Variants in PALM2AKAP2 observed in about 807,000 individuals in gnomAD.
PALM2AKAP2 encodes PALM2-AKAP2 fusion protein.
A neutral mutation model predicts 71.5 loss-of-function variants in PALM2AKAP2; 37 were observed. That is an observed-to-expected ratio of 0.52 (90% CI 0.40 to 0.68). The LOEUF (loss-of-function observed/expected upper bound fraction) is 0.68. Ranked by LOEUF, PALM2AKAP2 falls within the 30% of genes least tolerant of loss-of-function variation. The pLI is 0.00. For synonymous variants in PALM2AKAP2, 468 were observed against 478.8 expected (o/e 0.98, Z 0.29); for missense variants, 1,224 against 1,191.8 (o/e 1.03, Z -0.40).
At chr9:109,799,572 C>A (rs984955851) in intron 1 of PALM2AKAP2, among the ~76,000 whole-genome samples, 1 of 152,198 alleles carries the variant, frequency 6.6e-6, no homozygotes, top group Admixed American at 6.5e-5. Flanking sequence ...TTACTCACTG[C>A]AGTCTTGACC....
At chr9:110,061,838 A>G (rs1833971706) in intron 1 of PALM2AKAP2, among the ~76,000 whole-genome samples, 1 of 148,578 alleles carries the variant, frequency 6.7e-6, no homozygotes, top group South Asian at 2.1e-4. Context: ...CATGCCAGAC[A>G]AATATTATTA....
intron 1 of PALM2AKAP2, among the ~76,000 whole-genome samples, chr9:110,112,586 G>A (rs1835276514): frequency 6.6e-6 from 1 of 152,236 alleles, no homozygotes; most frequent in African/African-American, 2.4e-5. Flanking sequence ...CATGCAAATA[G>A]TTCTAGGACC....
chr9:109,799,256 G>A (rs1224099050), intron 1 of PALM2AKAP2, among the ~76,000 whole-genome samples: 2 of 152,236 alleles, frequency 1.3e-5, no homozygotes, highest in Non-Finnish European at 2.9e-5. Flanking sequence ...TTGATGGGCA[G>A]GGGGTGCTGG....
chr9:109,742,655 A>G (rs114298221), intron 1 of PALM2AKAP2, among the ~76,000 whole-genome samples: 1 of 152,158 alleles, frequency 6.6e-6, no homozygotes, highest in African/African-American at 2.4e-5. Context: ...GATAATGTAC[A>G]TGCAGGATTA....
intron 6 of PALM2AKAP2, chr9:109,943,227 T>C (rs751397781): frequency 6.2e-7 from 1 of 1,614,054 alleles, no homozygotes; most frequent in Non-Finnish European, 8.5e-7. Flanking sequence ...TTGATGAAGA[T>C]GATGAGAAGT....
At chr9:109,986,376 T>C (rs913401614) in intron 6 of PALM2AKAP2, among the ~76,000 whole-genome samples, 6 of 152,246 alleles carry the variant, frequency 3.9e-5, no homozygotes, top group East Asian at 1.9e-4. Context: ...TTCAGTTTCA[T>C]TGGTGATCCT....
chr9:109,834,058 T>C (rs1378362867), intron 1 of PALM2AKAP2, among the ~76,000 whole-genome samples: 1 of 152,030 alleles, frequency 6.6e-6, no homozygotes, highest in African/African-American at 2.4e-5. Context: ...ACTAAAAAAA[T>C]AAAAATTAGC....
intron 1 of PALM2AKAP2, among the ~76,000 whole-genome samples, chr9:109,752,097 T>C (rs1050774787): frequency 2.0e-5 from 3 of 152,188 alleles, no homozygotes; most frequent in Admixed American, 6.6e-5. Flanking sequence ...TTGCTAGGTC[T>C]GTGCTAGGTG....
At chr9:110,058,898 GTTTTTTTTTT>G in intron 1 of PALM2AKAP2, among the ~76,000 whole-genome samples, 1 of 111,732 alleles carries the variant, frequency 8.9e-6, no homozygotes, top group African/African-American at 3.5e-5. Flanking sequence ...AAGTTTTTTG[GTTTTTTTTTT>G]TTTTTTTTTT....
intron 1 of PALM2AKAP2, among the ~76,000 whole-genome samples, chr9:109,805,777 C>T (rs1232122397): frequency 2.6e-5 from 4 of 152,180 alleles, no homozygotes; most frequent in African/African-American, 9.7e-5. Context: ...GTGACCTGTA[C>T]CACCTAGGCA....
intron 3 of PALM2AKAP2, 29 bp downstream of exon 9, chr9:110,156,526 T>G (rs367739240): frequency 7.0e-6 from 11 of 1,573,754 alleles, no homozygotes; most frequent in Non-Finnish European, 9.5e-6. Context: ...CCTCTTTCAC[T>G]TCTCTGAGCG....
In PALM2AKAP2 at chr9:109,953,982, T is replaced by G. The variant is rs553141951; in HGVS notation, c.496+21954T>G. 2.6e-5 allele frequency among the ~76,000 whole-genome samples: 4 copies of G among 152,120 alleles called. No homozygotes were observed. In the East Asian group the frequency reaches 7.7e-4, roughly 29 times the overall value. On this transcript the variant is annotated intron_variant, in intron 6 of 9. Coordinates refer to the PALM2AKAP2 transcript ENST00000302798. ...TTGCACCTTTACCTACTCAAGCAAATGCTCTGTTAATTATACCACCCCCTG... is the reference window on the plus strand; with the variant it reads ...TTGCACCTTTACCTACTCAAGCAAAGGCTCTGTTAATTATACCACCCCCTG...
rs75365463 is a variant in PALM2AKAP2 at position 110,116,185 on chromosome 9, G to C, written c.157-19942G>C. Among the ~76,000 whole-genome samples, 6 of 152,298 alleles carry C rather than the reference G, an allele frequency of 3.9e-5. No homozygotes were observed. The East Asian group carries it at 1.2e-3, about 29-fold the overall frequency. On this transcript the variant is annotated intron_variant, in intron 1 of 3. Transcript: ENST00000374525. ...GTATGGAATTTGGGATTGCCTAAGT[G>C]CAGAGTTACATTCTGTTCCAAGCCC...
At chr9:110,116,857 C>T (rs1024471037) in intron 1 of PALM2AKAP2, among the ~76,000 whole-genome samples, 28 of 152,084 alleles carry the variant, frequency 1.8e-4, no homozygotes, top group Non-Finnish European at 1.0e-4. Flanking sequence ...CAAGAGATGG[C>T]CAAGTTTTGG....
chr9:109,800,969 G>A (rs1827414057), intron 1 of PALM2AKAP2, among the ~76,000 whole-genome samples: 1 of 152,182 alleles, frequency 6.6e-6, no homozygotes, highest in Non-Finnish European at 1.5e-5. Flanking sequence ...TGGGGAATCA[G>A]CCTGAAGAAC....
intron 1 of PALM2AKAP2, among the ~76,000 whole-genome samples, chr9:109,804,438 T>C (rs372407828): frequency 1.1e-4 from 16 of 152,250 alleles, no homozygotes; most frequent in African/African-American, 3.9e-4. Flanking sequence ...ATTATTTCTA[T>C]GGCAAATAAG....
At chr9:109,982,182 T>C (rs1832283518) in intron 6 of PALM2AKAP2, among the ~76,000 whole-genome samples, 2 of 152,186 alleles carry the variant, frequency 1.3e-5, no homozygotes, top group South Asian at 4.1e-4. Flanking sequence ...TTGTGTTAAG[T>C]GAAATAAGCT....
chr9:110,162,232 GA>G, intron 3 of PALM2AKAP2, 100 bp downstream of exon 10: 2 of 1,519,900 alleles, frequency 1.3e-6, no homozygotes, highest in Non-Finnish European at 1.8e-6. Context: ...AAAATGGCAA[GA>G]AAAATGACTT....
intron 6 of PALM2AKAP2, chr9:109,945,413 T>C (rs1452524348): frequency 6.6e-6 from 1 of 152,202 alleles, no homozygotes; most frequent in Non-Finnish European, 1.5e-5. Flanking sequence ...TGGAATAAAA[T>C]TGCTATTTTA....
Sources: gnomAD v4.1 joint callset for allele counts (sites outside exome capture counted in the v4.1 genomes callset) on GRCh38, gnomAD v4.1.1 for gene constraint, MANE v1.5 for transcripts, NCBI Gene and HGNC (gene_info 2026-07-23, HGNC 2026-07-21) for gene names.